The following MTMR7 variants were observed in gnomAD, a reference collection of about 807,000 sequenced individuals.
The protein encoded by MTMR7 is phosphatidylinositol-3-phosphate phosphatase MTMR7.
In MTMR7, 76 loss-of-function variants were observed where a neutral mutation model predicts 81.2. The ratio of observed to expected loss-of-function variants is 0.94; its 90% confidence interval spans 0.78 to 1.13. The LOEUF (loss-of-function observed/expected upper bound fraction) is 1.13, where lower values mean the gene tolerates loss of function less well. Among genes scored for constraint, MTMR7 ranks in the 50% most tolerant of loss-of-function variants. The pLI, the probability that MTMR7 is intolerant of heterozygous loss-of-function variation, is 0.00. For missense variants in MTMR7, 1,044 were observed against 820.0 expected (o/e 1.27, Z -3.34); for synonymous variants, 372 against 289.8 (o/e 1.28, Z -2.88).
chr8:17,400,226 T>C (rs560705580), intron 1 of MTMR7, among the ~76,000 whole-genome samples: 1 of 152,218 alleles, frequency 6.6e-6, no homozygotes, highest in African/African-American at 2.4e-5. Context: ...AATAACACTA[T>C]AGCTACTGTG....
chr8:17,343,712 TAAAC>T (rs1253404450), intron 5 of MTMR7, among the ~76,000 whole-genome samples: 2 of 152,246 alleles, frequency 1.3e-5, no homozygotes, highest in Non-Finnish European at 2.9e-5. Context: ...ACACGCATAT[TAAAC>T]AGACTACATT....
chr8:17,357,586 G>A (rs1446091081), intron 4 of MTMR7, among the ~76,000 whole-genome samples: 1 of 151,982 alleles, frequency 6.6e-6, no homozygotes, highest in African/African-American at 2.4e-5. Context: ...AAATGATGTC[G>A]AGCAAAATGA....
At chr8:17,345,596 C>G (rs1178706438) in intron 5 of MTMR7, among the ~76,000 whole-genome samples, 1 of 152,242 alleles carries the variant, frequency 6.6e-6, no homozygotes, top group Admixed American at 6.5e-5. Context: ...CCCTCCCTCA[C>G]CACAGGGGTG....
chr8:17,308,230 T>C (rs1438475620), intron 10 of MTMR7, among the ~76,000 whole-genome samples: 1 of 152,092 alleles, frequency 6.6e-6, no homozygotes, highest in Admixed American at 6.5e-5. Flanking sequence ...AACAATTATC[T>C]AGCTGATCTT....
At chr8:17,401,631 G>A (rs1821431820) in intron 1 of MTMR7, among the ~76,000 whole-genome samples, 1 of 152,134 alleles carries the variant, frequency 6.6e-6, no homozygotes, top group South Asian at 2.1e-4. Context: ...GAATGGAGGT[G>A]CGATAACCTG....
At chr8:17,396,798 T>A (rs765615332) in intron 1 of MTMR7, among the ~76,000 whole-genome samples, 1 of 151,788 alleles carries the variant, frequency 6.6e-6, no homozygotes, top group Admixed American at 6.6e-5. Flanking sequence ...AGGCAGTGCC[T>A]CTGGAAGTGA....
chr8:17,404,977 C>T (rs1458447075), intron 1 of MTMR7, among the ~76,000 whole-genome samples: 3 of 152,112 alleles, frequency 2.0e-5, no homozygotes, highest in East Asian at 3.9e-4. Flanking sequence ...AAGCACTGGC[C>T]GCTATGACTG....
chr8:17,407,616 A>G (rs13269592), intron 1 of MTMR7, among the ~76,000 whole-genome samples: 58,632 of 151,452 alleles, frequency 0.39, 13,697 homozygotes, highest in Admixed American at 0.57. Flanking sequence ...AAAGCCCCAC[A>G]TAACCTTCTA....
intron 7 of MTMR7, among the ~76,000 whole-genome samples, chr8:17,325,897 T>C (rs564838926): frequency 6.6e-6 from 1 of 152,312 alleles, no homozygotes; most frequent in African/African-American, 2.4e-5. Context: ...AACGTATCCA[T>C]TTCATTGAGT....
intron 10 of MTMR7, among the ~76,000 whole-genome samples, 198 bp from the exon 11 acceptor site, chr8:17,306,155 A>G (rs1817442274): frequency 1.3e-5 from 2 of 152,208 alleles, no homozygotes; most frequent in Non-Finnish European, 2.9e-5. Flanking sequence ...CGGTCTGGAT[A>G]GAAGGGATGC....
At chr8:17,359,228 T>C (rs1819988900) in intron 4 of MTMR7, among the ~76,000 whole-genome samples, 1 of 152,172 alleles carries the variant, frequency 6.6e-6, no homozygotes, top group African/African-American at 2.4e-5. Context: ...AATACTTTAG[T>C]ACTTTACAGT....
At chr8:17,385,497 C>A (rs570800428) in intron 1 of MTMR7, among the ~76,000 whole-genome samples, 1 of 152,172 alleles carries the variant, frequency 6.6e-6, no homozygotes, top group African/African-American at 2.4e-5. Flanking sequence ...TCTTGCCCAC[C>A]ACCACGTAAG....
chr8:17,387,715 T>C (rs17503270), intron 1 of MTMR7, among the ~76,000 whole-genome samples: 3 of 152,172 alleles, frequency 2.0e-5, no homozygotes, highest in African/African-American at 7.2e-5. Flanking sequence ...AAATCTCTAA[T>C]TCCTATACGT....
chr8:17,372,125 G>A (rs922568315), intron 2 of MTMR7, among the ~76,000 whole-genome samples: 1 of 152,170 alleles, frequency 6.6e-6, no homozygotes, highest in Middle Eastern at 3.4e-3. Context: ...CATCTCTGGT[G>A]TTACAGGAGG....
intron 1 of MTMR7, among the ~76,000 whole-genome samples, chr8:17,375,545 A>T (rs2150568328): frequency 6.9e-6 from 1 of 145,178 alleles, no homozygotes; most frequent in African/African-American, 2.6e-5. Context: ...TTGTATGGTT[A>T]TCCATCATGG....
intron 6 of MTMR7, among the ~76,000 whole-genome samples, chr8:17,337,870 C>T (rs773074920): frequency 9.9e-5 from 15 of 152,200 alleles, no homozygotes; most frequent in Non-Finnish European, 1.9e-4. Flanking sequence ...AATTCTGAGG[C>T]TTTCATCTGA....
At chr8:17,409,276 T>G (rs186396952) in intron 1 of MTMR7, among the ~76,000 whole-genome samples, 21 of 152,184 alleles carry the variant, frequency 1.4e-4, no homozygotes, top group Admixed American at 2.6e-4. Flanking sequence ...CTGGCCAACA[T>G]AGTGAAACCC....
chr8:17,354,774 G>T (rs191747857), intron 4 of MTMR7, among the ~76,000 whole-genome samples: 30 of 152,254 alleles, frequency 2.0e-4, no homozygotes, highest in Middle Eastern at 3.4e-3. Context: ...AATGGATTTG[G>T]ATATCTCTCT....
chr8:17,320,406 T>G (rs189129465), intron 7 of MTMR7, among the ~76,000 whole-genome samples: 21 of 151,216 alleles, frequency 1.4e-4, no homozygotes, highest in South Asian at 1.0e-3. Context: ...AAAGGGTATG[T>G]TTTTTTTTGT....
Sources: allele counts gnomAD v4.1 joint callset (sites outside exome capture counted in the v4.1 genomes callset), GRCh38; gene constraint gnomAD v4.1.1; transcripts MANE v1.5; gene names NCBI Gene and HGNC (gene_info 2026-07-23, HGNC 2026-07-21).